ROBO3: variants seen among roughly 807,000 people sequenced by gnomAD.
The protein encoded by ROBO3 is roundabout guidance receptor 3.
A neutral mutation model predicts 160.5 loss-of-function variants in ROBO3; 97 were observed. The ratio of observed to expected loss-of-function variants is 0.60; its 90% CI spans 0.51 to 0.72. ROBO3 has a LOEUF of 0.72. Among genes scored for constraint, ROBO3 ranks in the 30% least tolerant of loss-of-function variants. ROBO3 has a pLI of 0.00. For missense variants in ROBO3, 1,858 were observed against 1,846.5 expected (o/e 1.01, Z -0.11); for synonymous variants, 780 against 746.2 (o/e 1.05, Z -0.74).
rs780541012 is a variant in ROBO3, at chr11:124,868,946, C to T, written c.305C>T (p.Ala102Val). 3 of 1,605,874 alleles carry T rather than the reference C, an allele frequency of 1.9e-6. No individual in the cohort carries two copies. Among genetic ancestry groups the T allele is most frequent in the Admixed American group, 1.7e-5 (1 of 58,944 alleles). The change falls in exon 2 of 28, where the codon GCG (alanine) becomes GTG (valine). Residue 102 changes from alanine (A) to valine (V), a missense_variant. Coordinates refer to ENST00000397801, the MANE Select transcript of ROBO3 (RefSeq NM_022370.4). ...AACATTGAGTGGTACAAGAACGGGG[C>T]GCGTGTGGCCACTGTGCGGGAGGAT... Reference protein sequence around the residue: ...RPNIEWYKNGARVATVREDPR... With the variant: ...RPNIEWYKNGVRVATVREDPR...
At chr11:124,868,418 G>T in intron 1 of ROBO3, 1 of 546,296 alleles carries the variant, frequency 1.8e-6, no homozygotes, top group East Asian at 3.1e-5. Flanking sequence ...CCGTGAACCA[G>T]TGCAGGTGGA....
chr11:124,874,145 G>A lies in ROBO3; in HGVS notation c.1860G>A (p.Gln620=). The change falls in exon 12 of 28, where the codon CAG becomes CAA. Residue 620 remains glutamine (Q), a synonymous_variant. Coordinates refer to ENST00000397801, the MANE Select transcript of ROBO3 (RefSeq NM_022370.4). ...AGACACACACAGTCAGCGGTCTGCAGCCCAATACCATCTACCTGTTTCTGG... is the reference window on the plus strand; with the variant it reads ...AGACACACACAGTCAGCGGTCTGCAACCCAATACCATCTACCTGTTTCTGG... ...QLETHTVSGL[Q]PNTIYLFLVR... is the part of the protein sequence containing the mutation. 3 of 1,613,996 alleles carry A rather than the reference G, an allele frequency of 1.9e-6. No individual in the cohort carries two copies. Among genetic ancestry groups the A allele is most frequent in the Non-Finnish European group, 2.5e-6 (3 of 1,179,888 alleles).
At position 124,872,709 on chromosome 11, in the gene ROBO3, A is replaced by C. The variant is rs954709283; in HGVS notation, c.1330+157A>C. On this transcript the variant is annotated intron_variant, in intron 8 of 27. Transcript: ENST00000397801. The surrounding 1 kb of genome is among the most constrained non-coding windows in gnomAD (Gnocchi z 4.3). ...AGTTTGGAAACCAGCAGCAGAAGCC[A>C]CTAATAATGGCTGGTCCTGGGCAGA... Among the ~76,000 whole-genome samples, 5 of 152,228 alleles carry C rather than the reference A, an allele frequency of 3.3e-5. No homozygotes were observed. Among genetic ancestry groups the C allele is most frequent in the Non-Finnish European group, 7.3e-5 (5 of 68,032 alleles).
chr11:124,866,687 C>A (rs138121990), intron 1 of ROBO3, among the ~76,000 whole-genome samples: 21 of 152,290 alleles, frequency 1.4e-4, no homozygotes, highest in Non-Finnish European at 2.4e-4. Context: ...TTAGCATGGC[C>A]ATTAGCTATT....
At chr11:124,867,525 G>A (rs946386207) in intron 1 of ROBO3, among the ~76,000 whole-genome samples, 22 of 152,204 alleles carry the variant, frequency 1.4e-4, no homozygotes, top group African/African-American at 5.3e-4. Context: ...AGGAGATGGA[G>A]GAGAAGAGAA....
intron 11 of ROBO3, 43 bp from the exon 12 acceptor site, chr11:124,874,027 A>G: frequency 6.2e-7 from 1 of 1,610,948 alleles, no homozygotes; most frequent in Non-Finnish European, 8.5e-7. Context: ...GCAGGTTGGG[A>G]GTTCCTGGCT....
In ROBO3 at chr11:124,876,044, G is replaced by A. The variant is rs761440764; in HGVS notation, c.2512G>A (p.Gly838Ser). 6 of 1,608,290 alleles carry A rather than the reference G, an allele frequency of 3.7e-6. No homozygotes were observed. The highest frequency in any genetic ancestry group is 2.2e-5 in the East Asian group (1 of 44,630). The change falls in exon 16 of 28, where the codon GGT (glycine) becomes AGT (serine). Residue 838 changes from glycine to serine, a missense_variant. Coordinates refer to ENST00000397801, the MANE Select transcript of ROBO3 (RefSeq NM_022370.4). This position sits in a 1 kb window ranked among gnomAD's most constrained non-coding sequence, Gnocchi z 5.3. ...RSAMLRGLVP[G>S]LLYRTLVAAA... ...CGCAATGCTCCGAGGACTGGTGCCC[G>A]GTCTCCTCTATCGAACCCTGGTCGC... is the stretch of plus-strand genomic sequence containing the variant.
chr11:124,876,142 GC>G lies in ROBO3; in HGVS notation c.2593+18del. 1 of 1,589,286 alleles carries G rather than the reference GC, an allele frequency of 6.3e-7. No individual in the cohort carries two copies. The highest frequency in any genetic ancestry group is 8.5e-7 in the Non-Finnish European group (1 of 1,171,844). Reference sequence around the variant, plus strand: ...TGCAGCTGCGTGAGTCCACCCGAGGGCAGTGCTGAGGATCTTGACGGGGGCG... The same window carrying G: ...TGCAGCTGCGTGAGTCCACCCGAGGGAGTGCTGAGGATCTTGACGGGGGCG... On this transcript the variant is annotated intron_variant, in intron 16 of 27. Coordinates refer to ENST00000397801, the MANE Select transcript of ROBO3 (RefSeq NM_022370.4). The surrounding 1 kb of genome is among the most constrained non-coding windows in gnomAD (Gnocchi z 5.3).
rs2135342201 is a variant in ROBO3 at position 124,878,035 on chromosome 11, C to G, written c.3085C>G (p.Leu1029Val). 1 of 1,612,658 alleles carries G rather than the reference C, an allele frequency of 6.2e-7. No individual in the cohort carries two copies. Among genetic ancestry groups the G allele is most frequent in the East Asian group, 2.2e-5 (1 of 44,834 alleles). ...YSTIDPAGEE[L>V]QTFHGGFPQH... The stretch of plus-strand genomic sequence containing the variant: ...CACCATTGACCCAGCGGGGGAGGAG[C>G]TGCAGACCTTCCATGGGGGCTTCCC... Residue 1029 changes from leucine to valine, a missense_variant, in exon 21 of 28, where the codon CTG becomes GTG. By Grantham distance (32) the Leu-to-Val change is conservative. Coordinates refer to ENST00000397801, the MANE Select transcript of ROBO3 (RefSeq NM_022370.4). This position sits in a 1 kb window ranked among gnomAD's most constrained non-coding sequence, Gnocchi z 4.3.
chr11:124,874,177 C>A lies in ROBO3; in HGVS notation c.1892C>A (p.Ala631Glu). The A allele has an allele frequency of 6.2e-7, 1 of 1,613,986 alleles. No homozygotes were observed. The highest frequency in any genetic ancestry group is 1.3e-5 in the African/African-American group (1 of 75,032). Residue 631 changes from alanine to glutamate, a missense_variant, in exon 12 of 28, where the codon GCA becomes GAA. Transcript: ENST00000397801. The part of the protein sequence containing the change: ...PNTIYLFLVR[A>E]VGAWGLSEPS... Reference sequence around the variant, plus strand: ...ACCATCTACCTGTTTCTGGTTCGAGCAGTGGGAGCCTGGGGCCTCAGTGAG... The same window carrying A: ...ACCATCTACCTGTTTCTGGTTCGAGAAGTGGGAGCCTGGGGCCTCAGTGAG...
rs1946245596 is a variant in ROBO3, at chr11:124,869,214, C to T, written c.487+86C>T. 1.4e-6 allele frequency: 2 copies of T among 1,387,852 alleles called. No homozygotes were observed. The highest frequency in any genetic ancestry group is 2.0e-6 in the Non-Finnish European group (2 of 1,017,592). The allele number at this position is 1,387,852 out of a possible 1,614,324, so 86.0% of individuals were successfully genotyped here. A position where few individuals can be genotyped will look rare whatever the true frequency, so the allele number is the denominator to read the frequency against. On this transcript the variant is annotated intron_variant, in intron 2 of 27. Transcript: ENST00000397801. The surrounding 1 kb of genome is among the most constrained non-coding windows in gnomAD (Gnocchi z 4.2). ...TGGGCAATCAGACCCAGAACCAGCC[C>T]CAAAGGACTTCAGCCCACTCAGCAT...
At position 124,869,626 on chromosome 11, in the gene ROBO3, T is replaced by C. The variant is rs958005087; in HGVS notation, c.645+19T>C. On this transcript the variant is annotated intron_variant, in intron 3 of 27. Transcript: ENST00000397801. This position sits in a 1 kb window ranked among gnomAD's most constrained non-coding sequence, Gnocchi z 4.2. Reference sequence around the variant, plus strand: ...GATCACGGTGAGGGCGGGATTATGATTGGAGACCCCAACAAGGGAGGGGAC... The same window carrying C: ...GATCACGGTGAGGGCGGGATTATGACTGGAGACCCCAACAAGGGAGGGGAC... 16 of 1,548,288 alleles carry C rather than the reference T, an allele frequency of 1.0e-5. No individual in the cohort carries two copies. The highest frequency in any genetic ancestry group is 1.9e-5 in the Admixed American group (1 of 52,646).
rs1396490293 is a variant in ROBO3 at position 124,878,105 on chromosome 11, C to T, written c.3155C>T (p.Pro1052Leu). The T allele has an allele frequency of 6.2e-7, 1 of 1,609,770 alleles. No homozygotes were observed. The highest frequency in any genetic ancestry group is 8.5e-7 in the Non-Finnish European group (1 of 1,178,458). ...CTGGGTCCCTGGAGCCAGTACGCTC[C>T]TCCAGAGTGGAGCCAGGGGGACAGT... is the stretch of plus-strand genomic sequence containing the variant. Reference protein sequence around the residue: ...GDLGPWSQYAPPEWSQGDSGA... With the variant: ...GDLGPWSQYALPEWSQGDSGA... Residue 1052 changes from proline (P) to leucine (L), a missense_variant, in exon 21 of 28, where the codon CCT becomes CTT. Coordinates refer to ENST00000397801, the MANE Select transcript of ROBO3 (RefSeq NM_022370.4). The surrounding 1 kb of genome is among the most constrained non-coding windows in gnomAD (Gnocchi z 4.3).
At position 124,869,858 on chromosome 11, in the gene ROBO3, T is replaced by C. The variant is rs1946255959; in HGVS notation, c.646-90T>C. The C allele has an allele frequency of 2.7e-6, 4 of 1,493,200 alleles. No individual in the cohort carries two copies. Among genetic ancestry groups the C allele is most frequent in the Non-Finnish European group, 3.6e-6 (4 of 1,096,224 alleles). The allele number at this position is 1,493,200 out of a possible 1,614,324, so 92.5% of individuals were successfully genotyped here. A position where few individuals can be genotyped will look rare whatever the true frequency, so the allele number is the denominator to read the frequency against. ...AGCTTGCTGTGAGGATCAAATAAAC[T>C]TTATACATATGTATATACACATATA... On this transcript the variant is annotated intron_variant, in intron 3 of 27. Coordinates refer to ENST00000397801, the MANE Select transcript of ROBO3 (RefSeq NM_022370.4). The surrounding 1 kb of genome is among the most constrained non-coding windows in gnomAD (Gnocchi z 4.2).
chr11:124,875,992 T>C lies in ROBO3; in HGVS notation c.2460T>C (p.Asn820=), dbSNP rs201082389. 1.2e-6 allele frequency: 2 copies of C among 1,600,792 alleles called. No homozygotes were observed. The highest frequency in any genetic ancestry group is 3.4e-5 in the Admixed American group (2 of 58,294). The change falls in exon 16 of 28, where the codon AAT becomes AAC. Residue 820 remains asparagine (N), a synonymous_variant. Transcript: ENST00000397801. ...GCAATGAGAGCCGCTTTCACCTCAA[T>C]CGATCTGCAGCAGGCTGGGCACGCT... The part of the protein sequence containing the change: ...CLGNESRFHL[N]RSAAGWARSA...
intron 1 of ROBO3, among the ~76,000 whole-genome samples, chr11:124,866,849 G>C (rs1946203600): frequency 2.0e-5 from 3 of 152,124 alleles, no homozygotes; most frequent in Admixed American, 1.3e-4. Flanking sequence ...GGAGAAAGAC[G>C]ATGGGGGAGG....
Position 124,880,502 on chromosome 11 carries a change from C to T in ROBO3, c.4043C>T (p.Ser1348Phe). The change falls in exon 27 of 28, where the codon TCT becomes TTT. Residue 1348 changes from serine to phenylalanine, a missense_variant. Physicochemically the swap from Ser to Phe is radical, Grantham distance 155. Coordinates refer to ENST00000397801, the MANE Select transcript of ROBO3 (RefSeq NM_022370.4). ...ACATGTTCCACGGCCGGCAGCAACT[C>T]TTCCAGGGGCTCCAGCAGCTCTAGG... The part of the protein sequence containing the change: ...TSTCSTAGSN[S>F]SRGSSSSRGS... 6.3e-7 allele frequency: 1 copy of T among 1,595,810 alleles called. No individual in the cohort carries two copies. The highest frequency in any genetic ancestry group is 8.5e-7 in the Non-Finnish European group (1 of 1,170,660).
chr11:124,876,914 A>C lies in ROBO3; in HGVS notation c.2780-247A>C. 1.6e-6 allele frequency: 1 copy of C among 608,484 alleles called. No individual in the cohort carries two copies. The highest frequency in any genetic ancestry group is 2.9e-6 in the Non-Finnish European group (1 of 341,504). 37.7% of individuals were successfully genotyped at this position (608,484 alleles called of 1,614,324 possible). On this transcript the variant is annotated intron_variant, in intron 17 of 27. Coordinates refer to ENST00000397801, the MANE Select transcript of ROBO3 (RefSeq NM_022370.4). The surrounding 1 kb of genome is among the most constrained non-coding windows in gnomAD (Gnocchi z 5.3). Reference sequence around the variant, plus strand: ...TTCCTAGTAAGGGACGTCTCTGGAGAGATTCTGAGGTGTTTGAGGTCAGTG... The same window carrying C: ...TTCCTAGTAAGGGACGTCTCTGGAGCGATTCTGAGGTGTTTGAGGTCAGTG...
chr11:124,876,738 GGC>G lies in ROBO3; in HGVS notation c.2779+279_2779+280del, dbSNP rs1946386745. The G allele has an allele frequency of 3.0e-6, 1 of 333,002 alleles. No individual in the cohort carries two copies. Among genetic ancestry groups the G allele is most frequent in the South Asian group, 4.0e-5 (1 of 24,706 alleles). The allele number at this position is 333,002 out of a possible 1,614,324, so 20.6% of individuals were successfully genotyped here. ...TTTGCAACCATCTCCATAAAGAAGG[GGC>G]AAGTTCGAGGACGGAAAGCCCACTC... On this transcript the variant is annotated intron_variant, in intron 17 of 27. Coordinates refer to ENST00000397801, the MANE Select transcript of ROBO3 (RefSeq NM_022370.4). The surrounding 1 kb of genome is among the most constrained non-coding windows in gnomAD (Gnocchi z 5.3).
Sources: gnomAD v4.1 joint callset for allele counts (sites outside exome capture counted in the v4.1 genomes callset) on GRCh38, gnomAD v4.1.1 for gene constraint, Gnocchi (gnomAD v3.1) non-coding constraint, MANE v1.5 for transcripts, NCBI Gene and HGNC (gene_info 2026-07-23, HGNC 2026-07-21) for gene names.